FAM83D: variants seen among roughly 807,000 people sequenced by gnomAD.
The protein encoded by FAM83D is scaffolding CK1 anchoring protein D, also known as protein FAM83D.
In FAM83D, 26 loss-of-function variants were observed where a neutral mutation model predicts 25.4. The observed-to-expected ratio is 1.02, with a 90% CI of 0.75 to 1.42. The LOEUF is 1.42. Among genes scored for constraint, FAM83D ranks in the 40% most tolerant of loss-of-function variants. The pLI, the probability that FAM83D is intolerant of heterozygous loss-of-function variation, is 0.00. For missense variants in FAM83D, 740 were observed against 758.1 expected (o/e 0.98, Z 0.28); for synonymous variants, 310 against 318.5 (o/e 0.97, Z 0.28).
intron 1 of FAM83D, among the ~76,000 whole-genome samples, chr20:38,930,659 T>G (rs1021310897): frequency 2.0e-5 from 3 of 152,002 alleles, no homozygotes; most frequent in Admixed American, 2.0e-4. Context: ...TTTTTCTTTT[T>G]TTTTTTGGAG....
intron 3 of FAM83D, among the ~76,000 whole-genome samples, chr20:38,949,687 G>A (rs2085744685): frequency 6.6e-6 from 1 of 152,204 alleles, no homozygotes; most frequent in Non-Finnish European, 1.5e-5. Flanking sequence ...AGGAAGCATA[G>A]AAAGGTACAG....
At chr20:38,931,082 A>G (rs1355649757) in intron 1 of FAM83D, among the ~76,000 whole-genome samples, 2 of 152,080 alleles carry the variant, frequency 1.3e-5, no homozygotes, top group African/African-American at 4.8e-5. Flanking sequence ...TGAAGCCCAC[A>G]CTCCTAATCC....
chr20:38,948,120 G>C (rs747808952), intron 3 of FAM83D, 120 bp downstream of exon 3: 24 of 1,205,654 alleles, frequency 2.0e-5, no homozygotes, highest in Non-Finnish European at 2.6e-5. Flanking sequence ...TCTGATATGC[G>C]TGCATCTGTG....
intron 1 of FAM83D, among the ~76,000 whole-genome samples, chr20:38,937,954 T>C (rs1290120747): frequency 6.6e-6 from 1 of 152,070 alleles, no homozygotes; most frequent in African/African-American, 2.4e-5. Flanking sequence ...TGAAACTGCA[T>C]CTCCAGAAAC....
chr20:38,930,643 G>T (rs533710579), intron 1 of FAM83D, among the ~76,000 whole-genome samples: 1 of 151,464 alleles, frequency 6.6e-6, no homozygotes, highest in South Asian at 2.1e-4. Context: ...ACCATGCCCA[G>T]CTAATTTTTT....
intron 1 of FAM83D, among the ~76,000 whole-genome samples, chr20:38,937,634 G>A (rs1478831765): frequency 1.3e-5 from 2 of 152,180 alleles, no homozygotes; most frequent in Non-Finnish European, 2.9e-5. Context: ...CCTACTGATT[G>A]CTTCTACAGT....
At chr20:38,946,036 C>G (rs910096301) in intron 2 of FAM83D, among the ~76,000 whole-genome samples, 1 of 151,648 alleles carries the variant, frequency 6.6e-6, no homozygotes, top group Non-Finnish European at 1.5e-5. Flanking sequence ...GGCGAAACCC[C>G]GTCTCTACTA....
intron 1 of FAM83D, among the ~76,000 whole-genome samples, chr20:38,941,400 C>T (rs981065013): frequency 6.6e-6 from 1 of 152,120 alleles, no homozygotes; most frequent in African/African-American, 2.4e-5. Flanking sequence ...GTGAATGGGA[C>T]AGGCCTTAAA....
In FAM83D at chr20:38,926,790, C is replaced by T. The variant is rs771451511; in HGVS notation, c.348C>T (p.Gly116=). The change falls in exon 1 of 4, where the codon GGC becomes GGT. Residue 116 remains glycine (G), a synonymous_variant. Coordinates refer to ENST00000619850, the MANE Select transcript of FAM83D (RefSeq NM_030919.3). ...TGGAGCCACCGCTGTTGGAGCTTGG[C>T]TGGCCCGCCTTCTACCAGGGCGCCT... ...SDLEPPLLEL[G]WPAFYQGAYR... The T allele has an allele frequency of 8.4e-6, 13 of 1,545,568 alleles. No homozygotes were observed. The East Asian group carries it at 2.9e-4, about 34-fold the overall frequency.
chr20:38,938,234 C>A (rs528321059), intron 1 of FAM83D, among the ~76,000 whole-genome samples: 1 of 152,358 alleles, frequency 6.6e-6, no homozygotes, highest in South Asian at 2.1e-4. Flanking sequence ...TCAGCTTGGC[C>A]GTGCCTTGTG....
chr20:38,945,154 C>T (rs1478054416), intron 2 of FAM83D, among the ~76,000 whole-genome samples: 2 of 152,126 alleles, frequency 1.3e-5, no homozygotes, highest in African/African-American at 4.8e-5. Flanking sequence ...GGAACTTGGT[C>T]ACACATTGAT....
At position 38,952,012 on chromosome 20, in the gene FAM83D, G is replaced by A. The variant is rs770534536; in HGVS notation, c.1250G>A (p.Cys417Tyr). Residue 417 changes from cysteine to tyrosine, a missense_variant, in exon 4 of 4, where the codon TGT becomes TAT. Coordinates refer to ENST00000619850, the MANE Select transcript of FAM83D (RefSeq NM_030919.3). The stretch of plus-strand genomic sequence containing the variant: ...ACACAAACCAGCATCACCACAGCAT[G>A]TGCTGGTACCCAGACTGCAGTCATC... ...VGTQTSITTACAGTQTAVITR... is the reference protein window; with the variant it reads ...VGTQTSITTAYAGTQTAVITR... 10 of 1,614,094 alleles carry A rather than the reference G, an allele frequency of 6.2e-6. No homozygotes were observed. The highest frequency in any genetic ancestry group is 1.3e-5 in the African/African-American group (1 of 74,938).
intron 1 of FAM83D, among the ~76,000 whole-genome samples, chr20:38,937,740 G>C (rs1050056547): frequency 6.6e-6 from 1 of 152,194 alleles, no homozygotes; most frequent in African/African-American, 2.4e-5. Flanking sequence ...GCCAAGGTGG[G>C]TGGATCACTT....
At chr20:38,935,723 G>T (rs1445008712) in intron 1 of FAM83D, among the ~76,000 whole-genome samples, 1 of 152,232 alleles carries the variant, frequency 6.6e-6, no homozygotes, top group Non-Finnish European at 1.5e-5. Context: ...TGGGATTACA[G>T]ATGTGAGCCA....
At position 38,948,893 on chromosome 20, in the gene FAM83D, C is replaced by T. The variant is rs531448820; in HGVS notation, c.776+893C>T. Among the ~76,000 whole-genome samples, 190 of 152,286 alleles carry T rather than the reference C, an allele frequency of 1.2e-3. 1 individual carries two copies. Among genetic ancestry groups the T allele is most frequent in the Middle Eastern group, 3.4e-3 (1 of 294 alleles). On this transcript the variant is annotated intron_variant, in intron 3 of 3. Transcript: ENST00000619850. ...CTCAGAACAAAATTTGAACTTTCTTCACCAAAGAGGCTGTGGGAAAAAACA... is the reference window on the plus strand; with the variant it reads ...CTCAGAACAAAATTTGAACTTTCTTTACCAAAGAGGCTGTGGGAAAAAACA...
chr20:38,943,555 T>G (rs985877557), intron 2 of FAM83D, among the ~76,000 whole-genome samples: 1 of 152,272 alleles, frequency 6.6e-6, no homozygotes, highest in East Asian at 1.9e-4. Flanking sequence ...TAAAATTAGA[T>G]TTTATGTCTA....
intron 2 of FAM83D, 95 bp from the exon 3 acceptor site, chr20:38,947,781 G>A (rs1017875809): frequency 2.8e-6 from 4 of 1,443,192 alleles, no homozygotes; most frequent in Non-Finnish European, 2.8e-6. Context: ...TTATATCTGG[G>A]AATTGTAAAC....
At chr20:38,951,097 A>C (rs1018663738) in intron 3 of FAM83D, among the ~76,000 whole-genome samples, 1 of 152,196 alleles carries the variant, frequency 6.6e-6, no homozygotes, top group Non-Finnish European at 1.5e-5. Flanking sequence ...TGCTGGGATT[A>C]CAGTCATGAG....
At chr20:38,934,225 T>A (rs1356391649) in intron 1 of FAM83D, among the ~76,000 whole-genome samples, 1 of 152,166 alleles carries the variant, frequency 6.6e-6, no homozygotes, top group Non-Finnish European at 1.5e-5. Flanking sequence ...AATTCTTCTC[T>A]GACTTCTTTA....
Sources: allele counts gnomAD v4.1 joint callset (sites outside exome capture counted in the v4.1 genomes callset), GRCh38; gene constraint gnomAD v4.1.1; transcripts MANE v1.5; gene names NCBI Gene and HGNC (gene_info 2026-07-23, HGNC 2026-07-21).